PDE3A: variants seen among roughly 807,000 people sequenced by gnomAD.
PDE3A encodes cGMP-inhibited 3',5'-cyclic phosphodiesterase 3A.
A neutral mutation model predicts 98.3 loss-of-function variants in PDE3A; 43 were observed. That is an observed-to-expected ratio of 0.44 (90% CI 0.34 to 0.56). The LOEUF is 0.56. Among genes scored for constraint, PDE3A ranks in the 20% least tolerant of loss-of-function variants. PDE3A has a pLI of 0.01. For missense variants in PDE3A, 1,427 were observed against 1,440.7 expected (o/e 0.99, Z 0.15); for synonymous variants, 663 against 567.9 (o/e 1.17, Z -2.38).
Position 20,470,041 on chromosome 12 carries a change from C to A in PDE3A, c.961-86619C>A, listed in dbSNP as rs182717770. 1.2e-3 allele frequency among the ~76,000 whole-genome samples: 189 copies of A among 152,032 alleles called. 1 individual carries two copies. Among genetic ancestry groups the A allele is most frequent in the Non-Finnish European group, 1.2e-4 (8 of 67,978 alleles). On this transcript the variant is annotated intron_variant, in intron 1 of 15. Coordinates refer to ENST00000359062, the MANE Select transcript of PDE3A (RefSeq NM_000921.5). The stretch of plus-strand genomic sequence containing the variant: ...TTTATTAATACTTCTATCTCCAAGT[C>A]TTCCTGGAAATCATATTTTAATCTT...
intron 1 of PDE3A, among the ~76,000 whole-genome samples, chr12:20,442,260 G>C (rs1305968886): frequency 6.6e-6 from 1 of 152,122 alleles, no homozygotes; most frequent in Admixed American, 6.6e-5. Flanking sequence ...TTCATGACCT[G>C]TTTTGTCTAT....
At position 20,684,484 on chromosome 12, in the gene PDE3A, T is replaced by G. The variant is rs778414251; in HGVS notation, c.*4213T>G. 3.9e-5 allele frequency: 6 copies of G among 152,204 alleles called. No individual in the cohort carries two copies. Among genetic ancestry groups the G allele is most frequent in the Non-Finnish European group, 8.8e-5 (6 of 68,022 alleles). 9.4% of individuals were successfully genotyped at this position (152,204 alleles called of 1,614,324 possible). On this transcript the variant is annotated 3_prime_UTR_variant, in exon 16 of 16. Transcript: ENST00000359062. ...AGCTAATGTGTGAAAGAAATATCAA[T>G]AGAAGTTCAAATGCTAATAGCTCAA... is the stretch of plus-strand genomic sequence containing the variant.
intron 1 of PDE3A, among the ~76,000 whole-genome samples, chr12:20,411,965 GTCT>G (rs1486571487): frequency 2.8e-4 from 42 of 152,074 alleles, no homozygotes; most frequent in African/African-American, 9.4e-4. Context: ...TTATATCTGT[GTCT>G]TCTTCTTTTT....
intron 15 of PDE3A, among the ~76,000 whole-genome samples, chr12:20,666,310 T>G (rs1945310501): frequency 6.6e-6 from 1 of 152,200 alleles, no homozygotes; most frequent in African/African-American, 2.4e-5. Flanking sequence ...TTCCCACTAT[T>G]TTAAAGTATG....
At chr12:20,583,983 T>C (rs1943133503) in intron 2 of PDE3A, among the ~76,000 whole-genome samples, 1 of 152,194 alleles carries the variant, frequency 6.6e-6, no homozygotes. Flanking sequence ...AGGTCTTGGC[T>C]CAGGTTCAGA....
rs1300082259 is a variant in PDE3A, at chr12:20,487,298, A to G, written c.961-69362A>G. ...ATGAGGGAACCAGTAAGATGTTACA[A>G]CTGATTCAAATGAGAAGTTAAAGTA... On this transcript the variant is annotated intron_variant, in intron 1 of 15. Coordinates refer to ENST00000359062, the MANE Select transcript of PDE3A (RefSeq NM_000921.5). 6.6e-5 allele frequency among the ~76,000 whole-genome samples: 10 copies of G among 152,192 alleles called. No individual in the cohort carries two copies. In the East Asian group the frequency reaches 1.9e-3, roughly 30 times the overall value.
At chr12:20,509,422 T>C (rs547503490) in intron 1 of PDE3A, among the ~76,000 whole-genome samples, 1 of 152,212 alleles carries the variant, frequency 6.6e-6, no homozygotes, top group South Asian at 2.1e-4. Flanking sequence ...CATTAGTTTC[T>C]GTTGCCCTAA....
At chr12:20,600,869 A>G (rs1158441187) in intron 2 of PDE3A, among the ~76,000 whole-genome samples, 2 of 152,224 alleles carry the variant, frequency 1.3e-5, no homozygotes, top group Non-Finnish European at 2.9e-5. Flanking sequence ...CCAGAAAAGC[A>G]GTGATTTGTT....
intron 1 of PDE3A, among the ~76,000 whole-genome samples, chr12:20,410,342 G>A (rs1438180892): frequency 6.6e-6 from 1 of 152,190 alleles, no homozygotes; most frequent in African/African-American, 2.4e-5. Context: ...GGAGAGTTAA[G>A]TTAGTCTTTT....
intron 2 of PDE3A, among the ~76,000 whole-genome samples, chr12:20,596,572 T>G (rs1236090569): frequency 6.6e-6 from 1 of 152,178 alleles, no homozygotes; most frequent in African/African-American, 2.4e-5. Flanking sequence ...ACGGATGCCT[T>G]CCTTTTAGCA....
chr12:20,405,293 C>A (rs1222153447), intron 1 of PDE3A, among the ~76,000 whole-genome samples: 1 of 152,126 alleles, frequency 6.6e-6, no homozygotes, highest in Non-Finnish European at 1.5e-5. Context: ...TCTCCTTACT[C>A]CAGTCGCTAC....
chr12:20,487,661 A>ATAAAT (rs201253921), intron 1 of PDE3A, among the ~76,000 whole-genome samples: 1 of 125,712 alleles, frequency 8.0e-6, no homozygotes, highest in African/African-American at 2.7e-5. Context: ...TTAAGAAAAA[A>ATAAAT]AAATAAATAA....
At chr12:20,392,989 G>A (rs1943946618) in intron 1 of PDE3A, among the ~76,000 whole-genome samples, 2 of 151,710 alleles carry the variant, frequency 1.3e-5, no homozygotes, top group South Asian at 4.2e-4. Flanking sequence ...AGGGGAGGAA[G>A]GAATGAAGAC....
intron 1 of PDE3A, among the ~76,000 whole-genome samples, chr12:20,392,410 T>A (rs1020500032): frequency 6.6e-6 from 1 of 151,942 alleles, no homozygotes; most frequent in Non-Finnish European, 1.5e-5. Context: ...TGGTAACACA[T>A]GCCTTTAGTC....
chr12:20,622,810 A>T (rs576450988), intron 5 of PDE3A, among the ~76,000 whole-genome samples: 2 of 152,182 alleles, frequency 1.3e-5, no homozygotes, highest in East Asian at 3.9e-4. Context: ...CCCTACAAAA[A>T]TATATATGGA....
intron 1 of PDE3A, among the ~76,000 whole-genome samples, chr12:20,392,014 T>G (rs1943925044): frequency 1.3e-5 from 2 of 151,948 alleles, no homozygotes; most frequent in African/African-American, 2.4e-5. Flanking sequence ...TATGCCTACT[T>G]ACGAACCACT....
chr12:20,414,974 A>G (rs1189342431), intron 1 of PDE3A, among the ~76,000 whole-genome samples: 2 of 151,052 alleles, frequency 1.3e-5, no homozygotes, highest in African/African-American at 4.8e-5. Flanking sequence ...TTTTTTGATC[A>G]TAAAGATTAA....
At chr12:20,626,079 G>GT (rs1323011423) in intron 5 of PDE3A, among the ~76,000 whole-genome samples, 2 of 152,030 alleles carry the variant, frequency 1.3e-5, no homozygotes, top group African/African-American at 4.8e-5. Flanking sequence ...ATTTTCAAAG[G>GT]TTTTAACGGT....
intron 15 of PDE3A, among the ~76,000 whole-genome samples, chr12:20,666,240 C>T (rs1945307897): frequency 6.6e-6 from 1 of 152,176 alleles, no homozygotes; most frequent in Admixed American, 6.5e-5. Flanking sequence ...GCTGGGATTA[C>T]AGGCATGAGC....
Sources: gnomAD v4.1 joint callset for allele counts (sites outside exome capture counted in the v4.1 genomes callset) on GRCh38, gnomAD v4.1.1 for gene constraint, MANE v1.5 for transcripts, NCBI Gene and HGNC (gene_info 2026-07-23, HGNC 2026-07-21) for gene names.